KIDINS220: variants seen among roughly 807,000 people sequenced by gnomAD.
The protein encoded by KIDINS220 is kinase D interacting substrate 220, also known as kinase D-interacting substrate of 220 kDa.
In KIDINS220, 63 loss-of-function variants were observed where a neutral mutation model predicts 157.6. The observed-to-expected ratio is 0.40, with a 90% CI of 0.33 to 0.49. The LOEUF (loss-of-function observed/expected upper bound fraction) is 0.49. Ranked by LOEUF, KIDINS220 falls within the 20% of genes least tolerant of loss-of-function variation. KIDINS220 has a pLI of 0.66. For missense variants in KIDINS220, 1,772 were observed against 2,171.2 expected (o/e 0.82, Z 3.65); for synonymous variants, 732 against 783.6 (o/e 0.93, Z 1.10).
At chr2:8,786,417 T>C (rs1672405723) in intron 15 of KIDINS220, 60 bp from the exon 16 acceptor site, 10 of 1,313,696 alleles carry the variant, frequency 7.6e-6, no homozygotes, top group South Asian at 2.5e-5. Flanking sequence ...ATAACTTCAA[T>C]GTATGTCATC....
At chr2:8,827,883 G>A (rs1248018709) in intron 1 of KIDINS220, among the ~76,000 whole-genome samples, 1 of 152,118 alleles carries the variant, frequency 6.6e-6, no homozygotes, top group African/African-American at 2.4e-5. Context: ...TTTTAAAGCA[G>A]ATTCCTGGGC....
intron 11 of KIDINS220, chr2:8,794,453 T>G (rs1033026038): frequency 1.4e-4 from 21 of 154,468 alleles, no homozygotes; most frequent in Admixed American, 5.7e-4. Flanking sequence ...ACAAGTGATC[T>G]TGTCAGCTCC....
At position 8,750,188 on chromosome 2, in the gene KIDINS220, C is replaced by T. The variant is rs748855942; in HGVS notation, c.3338G>A (p.Gly1113Asp). ...GTGAGGCTGTGGTGACACCACTCCA[C>T]CTGCGAAGGGCCCATTGAAGGACGT... ...SSTSFNGPFA[G>D]GVVSPQPHSS... Residue 1113 changes from glycine to aspartate, a missense_variant, in exon 24 of 30, where the codon GGT becomes GAT. Transcript: ENST00000256707. 1 of 1,614,180 alleles carries T rather than the reference C, an allele frequency of 6.2e-7. No homozygotes were observed. The highest frequency in any genetic ancestry group is 1.1e-5 in the South Asian group (1 of 91,082).
chr2:8,758,832 TA>T (rs1668378087), intron 22 of KIDINS220, among the ~76,000 whole-genome samples: 1 of 152,072 alleles, frequency 6.6e-6, no homozygotes. Context: ...AACATTAGCT[TA>T]GGGGGTCAGA....
intron 29 of KIDINS220, among the ~76,000 whole-genome samples, chr2:8,732,803 C>T (rs967880981): frequency 3.3e-5 from 5 of 152,162 alleles, no homozygotes; most frequent in Non-Finnish European, 7.3e-5. Context: ...CTCGCTGCCG[C>T]CCGCTGTGCC....
intron 22 of KIDINS220, among the ~76,000 whole-genome samples, chr2:8,760,221 T>G (rs1044703459): frequency 2.0e-5 from 3 of 152,260 alleles, no homozygotes; most frequent in Non-Finnish European, 4.4e-5. Flanking sequence ...GTTTCAGTTT[T>G]TTGCAGACTG....
intron 27 of KIDINS220, among the ~76,000 whole-genome samples, chr2:8,735,853 G>A (rs1011434694): frequency 6.6e-6 from 1 of 152,190 alleles, no homozygotes; most frequent in Non-Finnish European, 1.5e-5. Flanking sequence ...AGAAAGCCGG[G>A]GTCTAGGAGC....
At chr2:8,776,655 T>C (rs1197995133) in intron 21 of KIDINS220, 93 bp downstream of exon 21, 1 of 1,104,902 alleles carries the variant, frequency 9.1e-7, no homozygotes, top group Non-Finnish European at 1.3e-6. Flanking sequence ...TGTAAACATA[T>C]ACACACAATA....
chr2:8,778,774 G>T, intron 19 of KIDINS220, 47 bp from the exon 20 acceptor site: 1 of 1,589,442 alleles, frequency 6.3e-7, no homozygotes, highest in African/African-American at 1.3e-5. Context: ...AAATTCTGTT[G>T]TATATGATAT....
At chr2:8,749,394 T>C (rs1667008735) in intron 24 of KIDINS220, 1 of 456,222 alleles carries the variant, frequency 2.2e-6, no homozygotes. Context: ...TTCCAGAAAG[T>C]GTAACCCCAG....
rs1455274097 is a variant in KIDINS220 at position 8,793,927 on chromosome 2, G to C, written c.1159C>G (p.Leu387Val). 6.2e-7 allele frequency: 1 copy of C among 1,614,002 alleles called. No individual in the cohort carries two copies. Among genetic ancestry groups the C allele is most frequent in the Non-Finnish European group, 8.5e-7 (1 of 1,179,970 alleles). Residue 387 changes from leucine (L) to valine (V), a missense_variant, in exon 12 of 30, where the codon CTT becomes GTT. Leu to Val is a conservative substitution (Grantham distance 32, BLOSUM62 1). Transcript: ENST00000256707. ...RGRSRKLAELLLRNPKDGRLL... is the reference protein window; with the variant it reads ...RGRSRKLAELVLRNPKDGRLL... ...CGCCCATCTTTGGGATTTCTTAAAAGCAGTTCTGCCAGTTTCCGGCTCCTT... is the reference window on the plus strand; with the variant it reads ...CGCCCATCTTTGGGATTTCTTAAAACCAGTTCTGCCAGTTTCCGGCTCCTT...
At chr2:8,747,623 G>T in intron 25 of KIDINS220, 1 of 336,134 alleles carries the variant, frequency 3.0e-6, no homozygotes, top group Non-Finnish European at 5.3e-6. Flanking sequence ...TAAAAGTTTT[G>T]GTAGCAAACA....
At chr2:8,809,732 C>T (rs1322844874) in intron 6 of KIDINS220, among the ~76,000 whole-genome samples, 2 of 151,926 alleles carry the variant, frequency 1.3e-5, no homozygotes, top group African/African-American at 2.4e-5. Context: ...CTTCCTTTCC[C>T]TTCTCTAAAA....
downstream of KIDINS220, chr2:8,722,345 T>C (rs919185114): frequency 2.4e-4 from 36 of 152,248 alleles, no homozygotes; most frequent in African/African-American, 7.0e-4. Context: ...AGAACAAATA[T>C]GCAGACACAA....
chr2:8,747,048 A>G, intron 26 of KIDINS220, 97 bp downstream of exon 26: 1 of 1,054,470 alleles, frequency 9.5e-7, no homozygotes, highest in Non-Finnish European at 1.5e-6. Flanking sequence ...CCACAAACGC[A>G]GAGTTAGTGA....
intron 7 of KIDINS220, 75 bp downstream of exon 7, chr2:8,806,196 C>G (rs1182801557): frequency 2.0e-5 from 22 of 1,123,750 alleles, no homozygotes; most frequent in Non-Finnish European, 2.9e-5. Flanking sequence ...TAGGCATACA[C>G]TAAAGAAATA....
In KIDINS220 at chr2:8,785,753, T is replaced by C. The variant is rs114217936; in HGVS notation, c.2217A>G (p.Glu739=). Residue 739 remains glutamate, a synonymous_variant, in exon 17 of 30, where the codon GAA becomes GAG. Transcript: ENST00000256707. ...AATGAGTGCTTACTTTCATGAATCC[T>C]TCACTTTTCAATTTGTGCAGTTTGG... ...AASKLHKLKS[E]GFMKVLKCEV... 2,324 of 1,607,142 alleles carry C rather than the reference T, an allele frequency of 1.4e-3. 33 individuals are homozygous for C. In the African/African-American group the frequency reaches 0.026, roughly 18 times the overall value.
chr2:8,785,135 G>A (rs968429991), intron 17 of KIDINS220, among the ~76,000 whole-genome samples: 1 of 152,152 alleles, frequency 6.6e-6, no homozygotes, highest in Non-Finnish European at 1.5e-5. Context: ...ATATGACTAC[G>A]TGAAAGAAGC....
chr2:8,753,356 T>C (rs1558348354), intron 22 of KIDINS220, among the ~76,000 whole-genome samples: 1 of 152,180 alleles, frequency 6.6e-6, no homozygotes, highest in Non-Finnish European at 1.5e-5. Flanking sequence ...ATCTAAAGTA[T>C]CAATGCAGAG....
Sources: allele counts gnomAD v4.1 joint callset (sites outside exome capture counted in the v4.1 genomes callset), GRCh38; gene constraint gnomAD v4.1.1; transcripts MANE v1.5; gene names NCBI Gene and HGNC (gene_info 2026-07-23, HGNC 2026-07-21).